Variants in FAM200B observed in about 807,000 individuals in gnomAD.
FAM200B encodes the protein zinc finger BED-type containing 11, also known as protein FAM200B.
A neutral mutation model predicts 33.1 loss-of-function variants in FAM200B; 32 were observed. The observed-to-expected ratio is 0.97, with a 90% CI of 0.73 to 1.30. The LOEUF is 1.30. Among genes scored for constraint, FAM200B ranks in the 50% most tolerant of loss-of-function variants. The pLI, the probability that FAM200B is intolerant of heterozygous loss-of-function variation, is 0.00. For missense variants in FAM200B, 741 were observed against 754.0 expected (o/e 0.98, Z 0.20); for synonymous variants, 240 against 264.8 (o/e 0.91, Z 0.91).
upstream of FAM200B, among the ~76,000 whole-genome samples, chr4:15,680,096 C>A (rs116760799): frequency 1.3e-5 from 2 of 151,300 alleles, no homozygotes; most frequent in African/African-American, 4.9e-5. Context: ...GGAGGAATAT[C>A]CAGAATATAC....
At chr4:15,666,220 T>G in the FAM200B span, among the ~76,000 whole-genome samples, 18 of 152,086 alleles carry the variant, frequency 1.2e-4, no homozygotes, top group South Asian at 6.2e-4. Flanking sequence ...GCAACATAAG[T>G]AGACTCCACC....
At chr4:15,648,709 G>T in the FAM200B span, among the ~76,000 whole-genome samples, 1 of 152,150 alleles carries the variant, frequency 6.6e-6, no homozygotes, top group East Asian at 1.9e-4. Context: ...GTTGGGGCAG[G>T]GGATGGAGAA....
chr4:15,647,237 A>AG, the FAM200B span, among the ~76,000 whole-genome samples: 1 of 137,444 alleles, frequency 7.3e-6, no homozygotes, highest in African/African-American at 2.7e-5. Context: ...AAAAAAAAAA[A>AG]AAAAAAGAAA....
the FAM200B span, among the ~76,000 whole-genome samples, chr4:15,663,649 T>C: frequency 0.33 from 50,867 of 152,128 alleles, 8,872 homozygotes; most frequent in Non-Finnish European, 0.37. Flanking sequence ...TGGTGGAGAT[T>C]AAATGAGATT....
chr4:15,683,787 A>G (rs763799588), intron 1 of FAM200B, among the ~76,000 whole-genome samples: 14 of 152,206 alleles, frequency 9.2e-5, no homozygotes, highest in Non-Finnish European at 1.8e-4. Context: ...CAGTTGTCCA[A>G]ATATAGTTGG....
At chr4:15,652,467 G>C in the FAM200B span, among the ~76,000 whole-genome samples, 4 of 152,026 alleles carry the variant, frequency 2.6e-5, no homozygotes, top group Admixed American at 2.6e-4. Context: ...GGATAACAAA[G>C]GTGAAAAACC....
the FAM200B span, among the ~76,000 whole-genome samples, chr4:15,675,609 T>G: frequency 6.7e-6 from 1 of 149,710 alleles, no homozygotes; most frequent in Admixed American, 6.7e-5. Flanking sequence ...GAGGCAGAGT[T>G]TTGCTCTTGC....
the FAM200B span, among the ~76,000 whole-genome samples, chr4:15,660,081 CA>C: frequency 1.3e-5 from 2 of 150,800 alleles, no homozygotes; most frequent in African/African-American, 4.9e-5. Flanking sequence ...CTACCCCTGA[CA>C]TTTTTTTTTT....
At chr4:15,640,497 G>A in the FAM200B span, among the ~76,000 whole-genome samples, 3 of 151,042 alleles carry the variant, frequency 2.0e-5, no homozygotes, top group African/African-American at 7.3e-5. Flanking sequence ...AAGACATTAG[G>A]GTAGCATAAG....
At chr4:15,655,288 C>G in the FAM200B span, 1 of 1,424,708 alleles carries the variant, frequency 7.0e-7, no homozygotes, top group East Asian at 3.2e-5. Context: ...AGGGCGCCAT[C>G]GCCACTGCCT....
chr4:15,671,430 T>C, the FAM200B span, among the ~76,000 whole-genome samples: 1 of 151,932 alleles, frequency 6.6e-6, no homozygotes, highest in African/African-American at 2.4e-5. Context: ...TTGATTATGG[T>C]GTACTCTGGT....
the FAM200B span, among the ~76,000 whole-genome samples, chr4:15,652,711 A>C: frequency 6.6e-6 from 1 of 152,186 alleles, no homozygotes; most frequent in Non-Finnish European, 1.5e-5. Flanking sequence ...CTAGTAAATA[A>C]ATGGATGCTT....
intron 1 of FAM200B, among the ~76,000 whole-genome samples, chr4:15,683,474 G>A (rs977728519): frequency 1.7e-4 from 26 of 152,050 alleles, no homozygotes; most frequent in African/African-American, 5.6e-4. Context: ...AACTTTCAAG[G>A]GGGGATTGAA....
the FAM200B span, among the ~76,000 whole-genome samples, chr4:15,667,319 T>C: frequency 6.6e-6 from 1 of 152,214 alleles, no homozygotes; most frequent in Non-Finnish European, 1.5e-5. Context: ...TCAACATTTG[T>C]TAAAATTGAA....
chr4:15,650,628 T>C, the FAM200B span, among the ~76,000 whole-genome samples: 2 of 151,494 alleles, frequency 1.3e-5, no homozygotes, highest in Non-Finnish European at 2.9e-5. Context: ...ACATGATATC[T>C]TCCACATTTT....
the FAM200B span, among the ~76,000 whole-genome samples, chr4:15,662,819 C>T: frequency 1.3e-5 from 2 of 152,198 alleles, no homozygotes; most frequent in African/African-American, 4.8e-5. Context: ...TGACAAGGAA[C>T]AGCAGAATAG....
At chr4:15,659,296 TC>T in the FAM200B span, among the ~76,000 whole-genome samples, 1 of 152,186 alleles carries the variant, frequency 6.6e-6, no homozygotes, top group Non-Finnish European at 1.5e-5. Context: ...ACCAAAATAC[TC>T]CTGTTATTCA....
the FAM200B span, among the ~76,000 whole-genome samples, chr4:15,671,143 C>A: frequency 6.6e-6 from 1 of 151,748 alleles, no homozygotes; most frequent in Admixed American, 6.6e-5. Context: ...AGGCTGGTCT[C>A]GAACTCCTGA....
Position 15,688,230 on chromosome 4 carries a change from G to A in FAM200B, c.1253G>A (p.Ser418Asn), listed in dbSNP as rs1434176627. ...FLIEKKSHLASIFEDDTWVTK... is the reference protein window; with the variant it reads ...FLIEKKSHLANIFEDDTWVTK... The stretch of plus-strand genomic sequence containing the variant: ...ATTGAAAAAAAATCTCATTTGGCAA[G>A]TATTTTTGAAGATGATACTTGGGTA... The change falls in exon 2 of 2, where the codon AGT becomes AAT. Residue 418 changes from serine (S) to asparagine (N), a missense_variant. Ser to Asn is a conservative substitution (Grantham distance 46). Coordinates refer to ENST00000422728, the MANE Select transcript of FAM200B (RefSeq NM_001145191.2). 1.3e-6 allele frequency: 2 copies of A among 1,550,498 alleles called. No individual in the cohort carries two copies. The highest frequency in any genetic ancestry group is 3.9e-5 in the Admixed American group (2 of 50,920).
Sources: gnomAD v4.1 joint callset for allele counts (sites outside exome capture counted in the v4.1 genomes callset) on GRCh38, gnomAD v4.1.1 for gene constraint, MANE v1.5 for transcripts, NCBI Gene and HGNC (gene_info 2026-07-23, HGNC 2026-07-21) for gene names.